SMG1: variants seen among roughly 807,000 people sequenced by gnomAD.
The protein encoded by SMG1 is serine/threonine-protein kinase SMG1.
A neutral mutation model predicts 419.9 loss-of-function variants in SMG1; 22 were observed. The observed-to-expected ratio is 0.05, with a 90% CI of 0.04 to 0.07. The LOEUF is 0.07. Ranked by LOEUF, SMG1 falls within the 10% of genes least tolerant of loss-of-function variation. The probability of loss-of-function intolerance (pLI) is 1.00; values close to 1 mark genes in which losing one functional copy is unlikely to be tolerated. For synonymous variants in SMG1, 1,538 were observed against 1,553.5 expected (o/e 0.99, Z 0.23); for missense variants, 3,185 against 4,342.0 (o/e 0.73, Z 7.49).
At chr16:18,894,299 A>G (rs985384984) in intron 3 of SMG1, among the ~76,000 whole-genome samples, 1 of 152,052 alleles carries the variant, frequency 6.6e-6, no homozygotes, top group Non-Finnish European at 1.5e-5. Flanking sequence ...AAGAAACTAC[A>G]ATGTCTGAGA....
chr16:18,864,231 T>C, intron 23 of SMG1, 87 bp from the exon 24 acceptor site: 1 of 1,244,980 alleles, frequency 8.0e-7, no homozygotes, highest in South Asian at 1.7e-5. Flanking sequence ...GTTTTGCTCT[T>C]CTTGCCCAGG....
At chr16:18,829,100 A>G (rs954877164) in intron 54 of SMG1, among the ~76,000 whole-genome samples, 186 bp downstream of exon 54, 1 of 152,256 alleles carries the variant, frequency 6.6e-6, no homozygotes, top group Non-Finnish European at 1.5e-5. Flanking sequence ...AATGATCTCA[A>G]CTATACAGAA....
chr16:18,859,546 G>A lies in SMG1; in HGVS notation c.3953+10C>T, dbSNP rs749248610. 5.4e-6 allele frequency: 8 copies of A among 1,473,784 alleles called. No homozygotes were observed. Among genetic ancestry groups the A allele is most frequent in the Middle Eastern group, 1.8e-4 (1 of 5,622 alleles). The allele number at this position is 1,473,784 out of a possible 1,614,324, so 91.3% of individuals were successfully genotyped here. On this transcript the variant is annotated intron_variant, in intron 27 of 62. Coordinates refer to ENST00000446231, the MANE Select transcript of SMG1 (RefSeq NM_015092.5). ...ACAATGTACATTTACCTCCGTAAGAGTAAACTTACTCAGTTATAGACTGCC... is the reference window on the plus strand; with the variant it reads ...ACAATGTACATTTACCTCCGTAAGAATAAACTTACTCAGTTATAGACTGCC...
rs531407269 is a variant in SMG1, at chr16:18,840,951, T to C, written c.6696+614A>G. On this transcript the variant is annotated intron_variant, in intron 41 of 62. Coordinates refer to ENST00000446231, the MANE Select transcript of SMG1 (RefSeq NM_015092.5). Reference sequence around the variant, plus strand: ...GGCTCATGCCTGTAATCCCAACACTTAAGAAGGCTGAGGTGGGAGGAATAC... The same window carrying C: ...GGCTCATGCCTGTAATCCCAACACTCAAGAAGGCTGAGGTGGGAGGAATAC... 2.6e-5 allele frequency among the ~76,000 whole-genome samples: 4 copies of C among 152,152 alleles called. No individual in the cohort carries two copies. In the South Asian group the frequency reaches 6.2e-4, roughly 24 times the overall value.
At position 18,835,988 on chromosome 16, in the gene SMG1, T is replaced by C. The variant is rs1415403952; in HGVS notation, c.8002A>G (p.Met2668Val). 2 of 1,555,580 alleles carry C rather than the reference T, an allele frequency of 1.3e-6. No individual in the cohort carries two copies. Among genetic ancestry groups the C allele is most frequent in the Middle Eastern group, 1.7e-4 (1 of 6,000 alleles). ...KHRIEQWKTW[M>V]EELICNTTVE... ...GTGGTGTTACAGATGAGCTCTTCCA[T>C]CCAGGTCTTCCACTGTTCAATTCGA... is the stretch of plus-strand genomic sequence containing the variant. The change falls in exon 48 of 63, where the codon ATG becomes GTG. Residue 2668 changes from methionine to valine, a missense_variant. By Grantham distance (21) the Met-to-Val change is conservative. Coordinates refer to ENST00000446231, the MANE Select transcript of SMG1 (RefSeq NM_015092.5).
intron 60 of SMG1, among the ~76,000 whole-genome samples, chr16:18,814,273 A>G (rs1042818441): frequency 9.2e-5 from 14 of 151,680 alleles, no homozygotes; most frequent in African/African-American, 3.4e-4. Context: ...TTCTGCCTCT[A>G]TTTGGAATGG....
chr16:18,871,337 G>GAAAAAAA, intron 16 of SMG1, 27 bp downstream of exon 16: 2 of 894,344 alleles, frequency 2.2e-6, no homozygotes, highest in African/African-American at 2.0e-5. Context: ...AAACAAAATA[G>GAAAAAAA]AAAAAAAAAA....
intron 1 of SMG1, among the ~76,000 whole-genome samples, chr16:18,912,242 T>G (rs941529986): frequency 5.3e-5 from 8 of 151,546 alleles, no homozygotes; most frequent in Non-Finnish European, 1.2e-4. Context: ...GAGAATAGTT[T>G]TTGAAATCTT....
chr16:18,888,244 G>C (rs1326916402), intron 6 of SMG1, among the ~76,000 whole-genome samples: 1 of 150,114 alleles, frequency 6.7e-6, no homozygotes, highest in Non-Finnish European at 1.5e-5. Context: ...AGTAGAGCTG[G>C]TATTCATTTA....
Position 18,889,554 on chromosome 16 carries a change from C to T in SMG1, c.640G>A (p.Gly214Arg). The change falls in exon 6 of 63, where the codon GGA becomes AGA. Residue 214 changes from glycine (G) to arginine (R), a missense_variant. Physicochemically the swap from Gly to Arg is moderately radical, Grantham distance 125. Transcript: ENST00000446231. Reference protein sequence around the residue: ...SKLLQELRQEGACCLGLLCAS... With the variant: ...SKLLQELRQERACCLGLLCAS... ...CAAAGAAGGCCAAGACAGCAAGCTC[C>T]CTCCTGTCTCAACTCCTGAAGCAAT... 1.7e-6 allele frequency: 1 copy of T among 585,176 alleles called. No homozygotes were observed. Among genetic ancestry groups the T allele is most frequent in the Non-Finnish European group, 3.0e-6 (1 of 334,546 alleles). The allele number at this position is 585,176 out of a possible 1,614,324, so 36.2% of individuals were successfully genotyped here.
At chr16:18,814,308 A>C (rs1227368702) in intron 60 of SMG1, among the ~76,000 whole-genome samples, 1 of 151,236 alleles carries the variant, frequency 6.6e-6, no homozygotes, top group Non-Finnish European at 1.5e-5. Context: ...CATTTGTATT[A>C]AGTATTTTCC....
At chr16:18,820,344 A>G (rs1166103100) in intron 55 of SMG1, among the ~76,000 whole-genome samples, 1 of 151,876 alleles carries the variant, frequency 6.6e-6, no homozygotes, top group African/African-American at 2.4e-5. Flanking sequence ...CTGGGACAAG[A>G]GGTGCGTGCC....
intron 15 of SMG1, among the ~76,000 whole-genome samples, chr16:18,871,776 T>G (rs2035836191): frequency 1.3e-5 from 2 of 151,812 alleles, no homozygotes; most frequent in South Asian, 4.1e-4. Flanking sequence ...CCATCTCTAC[T>G]AAAAATACAA....
rs2141254208 is a variant in SMG1 at position 18,835,703 on chromosome 16, A to G, written c.8057+230T>C. On this transcript the variant is annotated intron_variant, in intron 48 of 62. Transcript: ENST00000446231. ...GGCAGATCACGTGGTCAGGAGTTCA[A>G]GACCAGCCTGGCCAATATAGTGAAA... is the stretch of plus-strand genomic sequence containing the variant. Among the ~76,000 whole-genome samples the G allele has an allele frequency of 2.0e-5, 3 of 152,298 alleles. No homozygotes were observed. In the South Asian group the frequency reaches 6.2e-4, roughly 32 times the overall value.
rs1172293267 is a variant in SMG1, at chr16:18,841,643, C to A, written c.6618G>T (p.Gln2206His). ...TPLGTRSGLIQWVDGATPLFG... is the reference protein window; with the variant it reads ...TPLGTRSGLIHWVDGATPLFG... ...ATAAGGGTGTGGCTCCATCTACCCACTGGATTAGTCCTGATCTTGTTCCTA... is the reference window on the plus strand; with the variant it reads ...ATAAGGGTGTGGCTCCATCTACCCAATGGATTAGTCCTGATCTTGTTCCTA... The change falls in exon 41 of 63, where the codon CAG becomes CAT. Residue 2206 changes from glutamine to histidine, a missense_variant. Transcript: ENST00000446231. 1.2e-6 allele frequency: 2 copies of A among 1,613,966 alleles called. No individual in the cohort carries two copies. Among genetic ancestry groups the A allele is most frequent in the Non-Finnish European group, 1.7e-6 (2 of 1,179,888 alleles).
intron 6 of SMG1, among the ~76,000 whole-genome samples, chr16:18,887,002 A>C (rs909428948): frequency 1.3e-5 from 2 of 152,214 alleles, no homozygotes; most frequent in African/African-American, 4.8e-5. Flanking sequence ...GAAAAACCTT[A>C]TTCTTGGGAG....
Position 18,847,977 on chromosome 16 carries a change from ATTC to A in SMG1, c.5677_5679del (p.Glu1893del), listed in dbSNP as rs1208351977. The A allele has an allele frequency of 1.2e-6, 2 of 1,614,010 alleles. No homozygotes were observed. The highest frequency in any genetic ancestry group is 1.7e-6 in the Non-Finnish European group (2 of 1,179,878). On this transcript the variant is annotated inframe_deletion, in exon 37 of 63. Transcript: ENST00000446231. ...CCTCCCTCACATTCAGAAACCAGCA[ATTC>A]TTCTCCTTGAATATTGCCAAGTAAA...
chr16:18,904,458 C>A (rs1433211345), intron 1 of SMG1, among the ~76,000 whole-genome samples: 1 of 150,440 alleles, frequency 6.6e-6, no homozygotes, highest in Non-Finnish European at 1.5e-5. Context: ...AATGGTGAAA[C>A]CCCGTCTCTA....
intron 22 of SMG1, among the ~76,000 whole-genome samples, chr16:18,867,700 C>CTTTTTT (rs778044384): frequency 5.7e-5 from 5 of 87,882 alleles, no homozygotes; most frequent in African/African-American, 1.4e-4. Context: ...ATTTTAACTT[C>CTTTTTT]TTTTTTTTTT....
Sources: gnomAD v4.1 joint callset for allele counts (sites outside exome capture counted in the v4.1 genomes callset) on GRCh38, gnomAD v4.1.1 for gene constraint, MANE v1.5 for transcripts, NCBI Gene and HGNC (gene_info 2026-07-23, HGNC 2026-07-21) for gene names.